The following CDK6 variants were observed in gnomAD, a reference collection of about 807,000 sequenced individuals.
CDK6 encodes cyclin-dependent kinase 6.
A neutral mutation model predicts 37.1 loss-of-function variants in CDK6; 6 were observed. The observed-to-expected ratio is 0.16, with a 90% CI of 0.09 to 0.32. The LOEUF (loss-of-function observed/expected upper bound fraction) is 0.32, where lower values mean the gene tolerates loss of function less well. Ranked by LOEUF, CDK6 falls within the 10% of genes least tolerant of loss-of-function variation. The pLI is 1.00. For missense variants in CDK6, 224 were observed against 418.9 expected (o/e 0.53, Z 4.06); for synonymous variants, 160 against 161.3 (o/e 0.99, Z 0.06).
At chr7:92,695,809 T>C (rs548285963) in intron 4 of CDK6, among the ~76,000 whole-genome samples, 1 of 152,336 alleles carries the variant, frequency 6.6e-6, no homozygotes, top group South Asian at 2.1e-4. Context: ...AAGTCTTTGC[T>C]GTTGCCGCCA....
chr7:92,710,001 T>C (rs1439502727), intron 4 of CDK6, among the ~76,000 whole-genome samples: 3 of 152,166 alleles, frequency 2.0e-5, no homozygotes, highest in African/African-American at 7.2e-5. Context: ...TTATTAGAGA[T>C]TGGTGAATAT....
rs1382686909 is a variant in CDK6 at position 92,609,551 on chromosome 7, G to A, written c.*5589C>T. The stretch of plus-strand genomic sequence containing the variant: ...CAATACAGCAATTTTTCAGACAAAA[G>A]TTTTGTCTACTGAATTACTGATGTG... On this transcript the variant is annotated 3_prime_UTR_variant, in exon 8 of 8. Transcript: ENST00000424848. 1 of 228,686 alleles carries A rather than the reference G, an allele frequency of 4.4e-6. No homozygotes were observed. The highest frequency in any genetic ancestry group is 5.7e-5 in the Admixed American group (1 of 17,626). The allele number at this position is 228,686 out of a possible 1,614,324, so 14.2% of individuals were successfully genotyped here.
chr7:92,805,814 G>T (rs1318373398), intron 2 of CDK6, among the ~76,000 whole-genome samples: 5 of 152,122 alleles, frequency 3.3e-5, no homozygotes, highest in Non-Finnish European at 7.4e-5. Context: ...GTTTCAGTGG[G>T]TCTCTATTAT....
chr7:92,756,963 C>A (rs1364488539), intron 3 of CDK6, among the ~76,000 whole-genome samples: 1 of 151,882 alleles, frequency 6.6e-6, no homozygotes, highest in East Asian at 1.9e-4. Context: ...TGTTTCTAAC[C>A]CAGAACTGAA....
intron 2 of CDK6, among the ~76,000 whole-genome samples, chr7:92,780,217 C>A (rs1044864438): frequency 4.6e-5 from 7 of 152,188 alleles, no homozygotes; most frequent in Admixed American, 2.0e-4. Context: ...AGTGATCCAC[C>A]TGCCTTGGCC....
intron 5 of CDK6, among the ~76,000 whole-genome samples, chr7:92,668,638 C>T (rs1370799174): frequency 6.6e-6 from 1 of 152,158 alleles, no homozygotes; most frequent in East Asian, 1.9e-4. Flanking sequence ...TAGGATTAGC[C>T]TAAAGCAATG....
chr7:92,821,155 A>G (rs994722532), intron 2 of CDK6, among the ~76,000 whole-genome samples: 2 of 152,100 alleles, frequency 1.3e-5, no homozygotes, highest in South Asian at 2.1e-4. Flanking sequence ...ACATTCAACT[A>G]TTCTGAAGCT....
At chr7:92,707,116 C>T (rs900529357) in intron 4 of CDK6, among the ~76,000 whole-genome samples, 2 of 152,282 alleles carry the variant, frequency 1.3e-5, no homozygotes, top group African/African-American at 4.8e-5. Context: ...GGTTTATATT[C>T]ATTTCTTTAC....
chr7:92,815,727 G>A (rs1329915211), intron 2 of CDK6, among the ~76,000 whole-genome samples: 1 of 152,156 alleles, frequency 6.6e-6, no homozygotes, highest in African/African-American at 2.4e-5. Context: ...GCTAAAATTT[G>A]GAAGACACAA....
chr7:92,751,072 A>G (rs1799178618), intron 3 of CDK6, among the ~76,000 whole-genome samples: 2 of 152,182 alleles, frequency 1.3e-5, no homozygotes, highest in Non-Finnish European at 2.9e-5. Context: ...ACAGATTCTA[A>G]TATATACAAA....
At chr7:92,693,157 C>T (rs974337760) in intron 4 of CDK6, among the ~76,000 whole-genome samples, 2 of 152,116 alleles carry the variant, frequency 1.3e-5, no homozygotes, top group African/African-American at 2.4e-5. Context: ...CTCTTTTTTG[C>T]AGGTTACTAT....
Position 92,613,443 on chromosome 7 carries a change from G to C in CDK6, c.*1697C>G, listed in dbSNP as rs186046652. The C allele has an allele frequency of 7.3e-5, 17 of 233,694 alleles. No homozygotes were observed. In the South Asian group the frequency reaches 3.1e-3, roughly 42 times the overall value. 14.5% of individuals were successfully genotyped at this position (233,694 alleles called of 1,614,324 possible). ...CTAAACTTTCCAAAAGATACTTTCT[G>C]TGTCCTCTGGTTACTAGAGCCAACT... On this transcript the variant is annotated 3_prime_UTR_variant, in exon 8 of 8. Coordinates refer to ENST00000424848, the MANE Select transcript of CDK6 (RefSeq NM_001145306.2).
chr7:92,782,214 T>A (rs989596891), intron 2 of CDK6, among the ~76,000 whole-genome samples: 5 of 152,232 alleles, frequency 3.3e-5, no homozygotes, highest in African/African-American at 1.2e-4. Flanking sequence ...ATGCAGGTAA[T>A]GATGTATGGC....
At chr7:92,620,933 G>T (rs1157535217) in intron 6 of CDK6, among the ~76,000 whole-genome samples, 1 of 152,132 alleles carries the variant, frequency 6.6e-6, no homozygotes, top group Non-Finnish European at 1.5e-5. Flanking sequence ...AAAAGAGTAT[G>T]TGAATATGGC....
Position 92,833,782 on chromosome 7 carries a change from T to C in CDK6, c.-367-92A>G, listed in dbSNP as rs1801567845. The C allele has an allele frequency of 2.5e-6, 1 of 405,242 alleles. No individual in the cohort carries two copies. The highest frequency in any genetic ancestry group is 6.1e-4 in the Middle Eastern group (1 of 1,628). 25.1% of individuals were successfully genotyped at this position (405,242 alleles called of 1,614,324 possible). On this transcript the variant is annotated intron_variant, in intron 1 of 7. Transcript: ENST00000424848. The surrounding 1 kb of genome is among the most constrained non-coding windows in gnomAD (Gnocchi z 6.1). Reference sequence around the variant, plus strand: ...TCCTCCAGACTCCCCTCCTCCTCCTTTACGAAGCCTCCATCGCTACCCTCC... The same window carrying C: ...TCCTCCAGACTCCCCTCCTCCTCCTCTACGAAGCCTCCATCGCTACCCTCC...
At chr7:92,785,339 C>T (rs1800099879) in intron 2 of CDK6, among the ~76,000 whole-genome samples, 1 of 152,098 alleles carries the variant, frequency 6.6e-6, no homozygotes, top group Admixed American at 6.6e-5. Flanking sequence ...GCAGGTAGAT[C>T]TATAGAAATC....
intron 2 of CDK6, among the ~76,000 whole-genome samples, chr7:92,820,360 C>T (rs1220236690): frequency 6.6e-6 from 1 of 152,092 alleles, no homozygotes; most frequent in Non-Finnish European, 1.5e-5. Flanking sequence ...TGGCCTAGCA[C>T]TGAACTCTCT....
chr7:92,688,977 T>C (rs993791414), intron 4 of CDK6, among the ~76,000 whole-genome samples: 2 of 152,140 alleles, frequency 1.3e-5, no homozygotes, highest in African/African-American at 4.8e-5. Context: ...AGGACAATAA[T>C]CAGTGTACAC....
intron 5 of CDK6, among the ~76,000 whole-genome samples, chr7:92,655,302 T>A (rs1796670281): frequency 6.6e-6 from 1 of 152,116 alleles, no homozygotes; most frequent in Non-Finnish European, 1.5e-5. Flanking sequence ...TTTAAATAAA[T>A]TTTGATTGAG....
Sources: allele counts gnomAD v4.1 joint callset (sites outside exome capture counted in the v4.1 genomes callset), GRCh38; gene constraint gnomAD v4.1.1; non-coding constraint Gnocchi (gnomAD v3.1); transcripts MANE v1.5; gene names NCBI Gene and HGNC (gene_info 2026-07-23, HGNC 2026-07-21).